The following CTNNA3 variants were observed in gnomAD, a reference collection of about 807,000 sequenced individuals.
CTNNA3 encodes catenin alpha-3.
CTNNA3 carries 76 observed loss-of-function variants against 95.7 expected under a neutral mutation model. The ratio of observed to expected loss-of-function variants is 0.79; its 90% CI spans 0.66 to 0.96. The LOEUF is 0.96. Ranked by LOEUF, CTNNA3 falls within the 40% of genes least tolerant of loss-of-function variation. The pLI, the probability that CTNNA3 is intolerant of heterozygous loss-of-function variation, is 0.00. For missense variants in CTNNA3, 1,191 were observed against 1,089.8 expected (o/e 1.09, Z -1.31); for synonymous variants, 431 against 374.4 (o/e 1.15, Z -1.74).
chr10:66,258,947 A>G (rs186220969), intron 13 of CTNNA3, among the ~76,000 whole-genome samples: 1,933 of 152,300 alleles, frequency 0.013, 29 homozygotes, highest in Middle Eastern at 0.027. Flanking sequence ...CAAACAAGCC[A>G]CATGGCTATA....
chr10:67,423,910 T>C (rs1413244406), intron 5 of CTNNA3, among the ~76,000 whole-genome samples: 2 of 152,184 alleles, frequency 1.3e-5, no homozygotes, highest in African/African-American at 2.4e-5. Flanking sequence ...TAATAACTGA[T>C]AGAGAATGAG....
At chr10:66,150,859 G>T (rs898541675) in intron 13 of CTNNA3, among the ~76,000 whole-genome samples, 1 of 151,786 alleles carries the variant, frequency 6.6e-6, no homozygotes, top group African/African-American at 2.4e-5. Context: ...TTTTACTGAG[G>T]AATAATGTTA....
intron 12 of CTNNA3, among the ~76,000 whole-genome samples, chr10:66,348,076 T>G (rs2132381276): frequency 6.6e-6 from 1 of 152,122 alleles, no homozygotes; most frequent in South Asian, 2.1e-4. Flanking sequence ...TTAAGAATAC[T>G]AAGAATACCA....
chr10:67,443,812 T>C (rs1846631087), intron 5 of CTNNA3, among the ~76,000 whole-genome samples: 1 of 152,138 alleles, frequency 6.6e-6, no homozygotes, highest in Non-Finnish European at 1.5e-5. Context: ...TAGATCCCAT[T>C]TGTCAATTTT....
At chr10:66,035,694 G>T (rs907260421) in intron 15 of CTNNA3, among the ~76,000 whole-genome samples, 2 of 151,754 alleles carry the variant, frequency 1.3e-5, no homozygotes, top group African/African-American at 4.8e-5. Context: ...TTACTTTGGG[G>T]GGGTTTCTTG....
At chr10:66,158,528 C>G (rs544965354) in intron 13 of CTNNA3, among the ~76,000 whole-genome samples, 1 of 152,008 alleles carries the variant, frequency 6.6e-6, no homozygotes, top group African/African-American at 2.4e-5. Context: ...TGTACTAGTA[C>G]CATGCTGTTT....
Position 67,355,221 on chromosome 10 carries a change from A to G in CTNNA3, c.580-135351T>C, listed in dbSNP as rs372786089. Among the ~76,000 whole-genome samples, 6 of 152,036 alleles carry G rather than the reference A, an allele frequency of 3.9e-5. No individual in the cohort carries two copies. The East Asian group carries it at 1.2e-3, about 29-fold the overall frequency. ...AGAAATTAAACTTTATTGATATTTTAAAAAGAAATTACACTGACCCCATTC... is the reference window on the plus strand; with the variant it reads ...AGAAATTAAACTTTATTGATATTTTGAAAAGAAATTACACTGACCCCATTC... On this transcript the variant is annotated intron_variant, in intron 5 of 17. Transcript: ENST00000433211.
chr10:66,710,689 C>G (rs1476187899), intron 9 of CTNNA3, among the ~76,000 whole-genome samples: 1 of 151,278 alleles, frequency 6.6e-6, no homozygotes, highest in Non-Finnish European at 1.5e-5. Flanking sequence ...TAATTTTTTT[C>G]CTAAAGTTAT....
At chr10:67,077,125 AT>A (rs1415863422) in intron 7 of CTNNA3, among the ~76,000 whole-genome samples, 1 of 152,022 alleles carries the variant, frequency 6.6e-6, no homozygotes, top group Non-Finnish European at 1.5e-5. Flanking sequence ...AACCTGCTAA[AT>A]TTCCTCCATC....
intron 5 of CTNNA3, among the ~76,000 whole-genome samples, chr10:67,470,811 T>C (rs1847789200): frequency 6.6e-6 from 1 of 152,028 alleles, no homozygotes; most frequent in Admixed American, 6.6e-5. Flanking sequence ...CACAGAGTCT[T>C]GCTCTGTTGC....
intron 11 of CTNNA3, among the ~76,000 whole-genome samples, chr10:66,462,068 C>T (rs962257647): frequency 6.6e-6 from 1 of 152,020 alleles, no homozygotes; most frequent in Non-Finnish European, 1.5e-5. Context: ...CCTCGTCCCC[C>T]CAAAGTGCCA....
intron 2 of CTNNA3, among the ~76,000 whole-genome samples, chr10:67,614,492 C>T (rs1843584134): frequency 6.6e-6 from 1 of 152,164 alleles, no homozygotes; most frequent in Admixed American, 6.5e-5. Flanking sequence ...GATCATCAGG[C>T]ATTAGATTCT....
chr10:67,671,164 A>G (rs1840424405), intron 1 of CTNNA3, among the ~76,000 whole-genome samples: 2 of 152,176 alleles, frequency 1.3e-5, no homozygotes, highest in Admixed American at 1.3e-4. Flanking sequence ...AATTCTGGCC[A>G]ATGAGACGGT....
chr10:67,027,659 T>A (rs1176175408), intron 7 of CTNNA3, among the ~76,000 whole-genome samples: 1 of 151,962 alleles, frequency 6.6e-6, no homozygotes, highest in Non-Finnish European at 1.5e-5. Flanking sequence ...ATGGTCTCAA[T>A]CTCTTGACCT....
intron 7 of CTNNA3, chr10:67,177,096 T>C (rs1283378107): frequency 2.5e-6 from 1 of 400,224 alleles, no homozygotes; most frequent in East Asian, 7.0e-5. Flanking sequence ...CATATAAATT[T>C]AACAGGACAG....
rs72795341 is a variant in CTNNA3, at chr10:66,155,091, T to C, written c.1885-51842A>G. 4.9e-3 allele frequency among the ~76,000 whole-genome samples: 742 copies of C among 151,914 alleles called. 2 individuals are homozygous for C. Among genetic ancestry groups the C allele is most frequent in the Non-Finnish European group, 9.2e-3 (623 of 67,826 alleles). On this transcript the variant is annotated intron_variant, in intron 13 of 17. Coordinates refer to ENST00000433211, the MANE Select transcript of CTNNA3 (RefSeq NM_013266.4). Reference sequence around the variant, plus strand: ...TGGCCTGCGGGCTGTAGTTTTTCAATCTTTGCTCAAGAGTATAGTGTGAAA... The same window carrying C: ...TGGCCTGCGGGCTGTAGTTTTTCAACCTTTGCTCAAGAGTATAGTGTGAAA...
intron 5 of CTNNA3, among the ~76,000 whole-genome samples, chr10:67,315,779 AG>A (rs1841021524): frequency 6.6e-6 from 1 of 152,108 alleles, no homozygotes; most frequent in African/African-American, 2.4e-5. Flanking sequence ...CAAAAATCAG[AG>A]GAGGGGGAGG....
chr10:67,434,543 A>AT (rs1846233119), intron 5 of CTNNA3, among the ~76,000 whole-genome samples: 1 of 151,964 alleles, frequency 6.6e-6, no homozygotes, highest in Admixed American at 6.6e-5. Context: ...TTTACTGACT[A>AT]TAAAAACTCA....
chr10:67,466,483 C>T (rs1266047286), intron 5 of CTNNA3, among the ~76,000 whole-genome samples: 1 of 152,070 alleles, frequency 6.6e-6, no homozygotes, highest in African/African-American at 2.4e-5. Context: ...TAGGTGCTAC[C>T]ATTGCTTTTA....
Sources: allele counts gnomAD v4.1 joint callset (sites outside exome capture counted in the v4.1 genomes callset), GRCh38; gene constraint gnomAD v4.1.1; transcripts MANE v1.5; gene names NCBI Gene and HGNC (gene_info 2026-07-23, HGNC 2026-07-21).